MAD1L1: variants seen among roughly 807,000 people sequenced by gnomAD.
MAD1L1 encodes the protein mitotic arrest deficient 1 like 1.
MAD1L1 carries 95 observed loss-of-function variants against 96.9 expected under a neutral mutation model. The observed-to-expected ratio is 0.98, with a 90% CI of 0.83 to 1.16. MAD1L1 has a LOEUF of 1.16. Among genes scored for constraint, MAD1L1 ranks in the 50% most tolerant of loss-of-function variants. The probability of loss-of-function intolerance (pLI) is 0.00; values close to 1 mark genes in which losing one functional copy is unlikely to be tolerated. For missense variants in MAD1L1, 1,007 were observed against 954.4 expected (o/e 1.06, Z -0.73); for synonymous variants, 473 against 396.6 (o/e 1.19, Z -2.29).
At chr7:2,185,561 C>T (rs1791418658) in intron 10 of MAD1L1, among the ~76,000 whole-genome samples, 1 of 151,968 alleles carries the variant, frequency 6.6e-6, no homozygotes, top group African/African-American at 2.4e-5. Flanking sequence ...CATTGAATGC[C>T]ACTGTCAAAG....
chr7:1,868,060 G>A (rs1213555530), intron 18 of MAD1L1, among the ~76,000 whole-genome samples: 2 of 152,108 alleles, frequency 1.3e-5, no homozygotes, highest in African/African-American at 4.8e-5. Context: ...TTCCCCTACT[G>A]ACCTCTGTAA....
chr7:1,869,977 G>A (rs898520624), intron 18 of MAD1L1, among the ~76,000 whole-genome samples: 1 of 152,240 alleles, frequency 6.6e-6, no homozygotes, highest in South Asian at 2.1e-4. Flanking sequence ...GGGGTGCCTC[G>A]CCCGTGCCTC....
At chr7:2,207,738 GT>G (rs1262714241) in intron 10 of MAD1L1, among the ~76,000 whole-genome samples, 2 of 152,254 alleles carry the variant, frequency 1.3e-5, no homozygotes, top group Admixed American at 1.3e-4. Context: ...AACCCAAGGA[GT>G]GGGTAGCAGG....
At chr7:2,128,804 C>T (rs555981398) in intron 11 of MAD1L1, among the ~76,000 whole-genome samples, 2 of 152,218 alleles carry the variant, frequency 1.3e-5, no homozygotes, top group Non-Finnish European at 2.9e-5. Context: ...CACCCTCAAG[C>T]CCGTCAGGCC....
intron 15 of MAD1L1, among the ~76,000 whole-genome samples, chr7:1,960,935 T>A (rs1004797553): frequency 6.6e-6 from 1 of 152,230 alleles, no homozygotes; most frequent in Non-Finnish European, 1.5e-5. Context: ...ATTCTAACTA[T>A]GTTATAGGAC....
intron 12 of MAD1L1, among the ~76,000 whole-genome samples, chr7:2,052,987 C>T (rs1213063257): frequency 6.6e-6 from 1 of 152,166 alleles, no homozygotes; most frequent in Non-Finnish European, 1.5e-5. Context: ...CCTCCACCAG[C>T]CTGAGGAGGG....
chr7:1,853,133 C>T (rs1182425768), intron 18 of MAD1L1, among the ~76,000 whole-genome samples: 1 of 152,184 alleles, frequency 6.6e-6, no homozygotes, highest in Non-Finnish European at 1.5e-5. Flanking sequence ...TGGGCTGAGA[C>T]CCCAAGGATG....
chr7:2,093,611 G>A (rs540691392), intron 11 of MAD1L1, among the ~76,000 whole-genome samples: 54 of 152,266 alleles, frequency 3.5e-4, no homozygotes, highest in African/African-American at 9.1e-4. Flanking sequence ...CATCCCCTTC[G>A]CTCTCCTCCT....
chr7:2,052,222 G>A (rs568273686), intron 12 of MAD1L1, among the ~76,000 whole-genome samples: 52 of 152,154 alleles, frequency 3.4e-4, no homozygotes, highest in Non-Finnish European at 6.5e-4. Context: ...CCACAGCTCC[G>A]CCACAGCCAG....
chr7:2,079,442 G>A (rs1041223559), intron 11 of MAD1L1, among the ~76,000 whole-genome samples: 5 of 152,174 alleles, frequency 3.3e-5, no homozygotes, highest in African/African-American at 4.8e-5. Flanking sequence ...TCAAAGGAAC[G>A]GCCAGGGGAG....
At chr7:1,916,920 C>A (rs928876562) in intron 17 of MAD1L1, among the ~76,000 whole-genome samples, 14 of 152,316 alleles carry the variant, frequency 9.2e-5, no homozygotes, top group East Asian at 1.9e-4. Context: ...CGAGGCACGA[C>A]CCTGGCACAT....
intron 11 of MAD1L1, among the ~76,000 whole-genome samples, chr7:2,127,313 C>T (rs1788279018): frequency 6.6e-6 from 1 of 152,188 alleles, no homozygotes; most frequent in South Asian, 2.1e-4. Context: ...GCAACTCACC[C>T]AGCCCCAGCA....
chr7:2,082,171 G>A (rs1383002438), intron 11 of MAD1L1, among the ~76,000 whole-genome samples: 1 of 152,158 alleles, frequency 6.6e-6, no homozygotes, highest in African/African-American at 2.4e-5. Flanking sequence ...AAGGGAGGCA[G>A]GAGGGGGAGG....
At chr7:1,945,985 A>T (rs538724623) in intron 16 of MAD1L1, among the ~76,000 whole-genome samples, 2 of 152,276 alleles carry the variant, frequency 1.3e-5, no homozygotes, top group East Asian at 3.9e-4. Flanking sequence ...GCCCAGAGGA[A>T]GGGCCAGTGG....
At chr7:1,877,555 G>T (rs1317096114) in intron 18 of MAD1L1, among the ~76,000 whole-genome samples, 3 of 151,860 alleles carry the variant, frequency 2.0e-5, no homozygotes, top group Admixed American at 2.0e-4. Flanking sequence ...TAAACTCAAT[G>T]TCATAAAAAT....
intron 11 of MAD1L1, among the ~76,000 whole-genome samples, chr7:2,092,061 C>T (rs990810171): frequency 6.6e-6 from 1 of 152,190 alleles, no homozygotes; most frequent in Non-Finnish European, 1.5e-5. Flanking sequence ...TAAAAAGCTG[C>T]CACGCTGCCT....
chr7:2,080,361 C>A (rs1785579238), intron 11 of MAD1L1, among the ~76,000 whole-genome samples: 1 of 152,226 alleles, frequency 6.6e-6, no homozygotes, highest in Admixed American at 6.5e-5. Flanking sequence ...TTTAGAAACG[C>A]TAGCATGGGT....
chr7:1,952,892 G>A (rs559410643), intron 16 of MAD1L1, among the ~76,000 whole-genome samples: 21 of 152,238 alleles, frequency 1.4e-4, no homozygotes, highest in Non-Finnish European at 2.6e-4. Flanking sequence ...CAGCGAGCGG[G>A]AGAGGCCAGA....
chr7:1,892,376 A>G (rs1786602153), intron 18 of MAD1L1, among the ~76,000 whole-genome samples: 1 of 152,220 alleles, frequency 6.6e-6, no homozygotes, highest in East Asian at 1.9e-4. Flanking sequence ...TACTAGACTT[A>G]CACATATACA....
Sources: allele counts gnomAD v4.1 joint callset (sites outside exome capture counted in the v4.1 genomes callset), GRCh38; gene constraint gnomAD v4.1.1; transcripts MANE v1.5; gene names NCBI Gene and HGNC (gene_info 2026-07-23, HGNC 2026-07-21).